The following MYH14 variants were observed in gnomAD, a reference collection of about 807,000 sequenced individuals.
MYH14 encodes myosin heavy chain 14.
MYH14 carries 123 observed loss-of-function variants against 255.5 expected under a neutral mutation model. That is an observed-to-expected ratio of 0.48 (90% CI 0.42 to 0.56). The LOEUF (loss-of-function observed/expected upper bound fraction) is 0.56. Ranked by LOEUF, MYH14 falls within the 20% of genes least tolerant of loss-of-function variation. MYH14 has a pLI of 0.00. For missense variants in MYH14, 2,423 were observed against 2,802.3 expected, an observed-to-expected ratio of 0.86 and a Z score of 3.06; for synonymous variants, 1,095 against 1,161.2, an observed-to-expected ratio of 0.94 and a Z score of 1.16.
At chr19:50,205,220 C>A (rs1422874654) in intron 1 of MYH14, among the ~76,000 whole-genome samples, 1 of 152,198 alleles carries the variant, frequency 6.6e-6, no homozygotes, top group Non-Finnish European at 1.5e-5. Context: ...GAAGCTCCAG[C>A]GGGGTTTGAA....
chr19:50,231,944 G>A lies in MYH14; in HGVS notation c.988G>A (p.Glu330Lys), dbSNP rs367826402. 1.1e-5 allele frequency: 17 copies of A among 1,613,880 alleles called. No homozygotes were observed. The South Asian group carries it at 1.3e-4, about 13-fold the overall frequency. The change falls in exon 10 of 43, where the codon GAG (glutamate) becomes AAG (lysine). Residue 330 changes from glutamate to lysine, a missense_variant. Coordinates refer to ENST00000642316, the MANE Select transcript of MYH14 (RefSeq NM_001145809.2). Reference protein sequence around the residue: ...GEQLKADLLLEPCSHYRFLTN... With the variant: ...GEQLKADLLLKPCSHYRFLTN... Reference sequence around the variant, plus strand: ...TGTCCCTGCAGCCGACCTCCTCCTCGAGCCCTGCTCCCACTACCGGTTCCT... The same window carrying A: ...TGTCCCTGCAGCCGACCTCCTCCTCAAGCCCTGCTCCCACTACCGGTTCCT...
At chr19:50,254,003 A>AG (rs1277234245) in intron 16 of MYH14, among the ~76,000 whole-genome samples, 1 of 152,196 alleles carries the variant, frequency 6.6e-6, no homozygotes, top group Non-Finnish European at 1.5e-5. Context: ...GGGTCACCTG[A>AG]GGTCGGGAGT....
intron 11 of MYH14, among the ~76,000 whole-genome samples, chr19:50,244,704 C>T (rs148745616): frequency 0.015 from 2,287 of 152,030 alleles, 24 homozygotes; most frequent in Non-Finnish European, 0.025. Flanking sequence ...AGGATGGTCT[C>T]GATCTCATGA....
In MYH14 at chr19:50,302,113, TAAAAAA is replaced by T. The variant is rs765650409; in HGVS notation, c.5678+263_5678+268del. Among the ~76,000 whole-genome samples, 3 of 54,626 alleles carry T rather than the reference TAAAAAA, an allele frequency of 5.5e-5. No individual in the cohort carries two copies. In the South Asian group the frequency reaches 2.1e-3, roughly 38 times the overall value. The allele number at this position is 54,626 out of a possible 152,430, so 35.8% of individuals were successfully genotyped here. ...GGGCAACATAGCAAGACCTCATCTC[TAAAAAA>T]AAAAAAAAAAAAAAAAAAGCCAGGT... On this transcript the variant is annotated intron_variant, in intron 40 of 42. Transcript: ENST00000642316.
rs2035578383 is a variant in MYH14, at chr19:50,278,169, A to G, written c.3912A>G (p.Ala1304=). 1 of 1,612,718 alleles carries G rather than the reference A, an allele frequency of 6.2e-7. No homozygotes were observed. Among genetic ancestry groups the G allele is most frequent in the Non-Finnish European group, 8.5e-7 (1 of 1,179,322 alleles). The change falls in exon 30 of 43, where the codon GCA becomes GCG. Residue 1304 remains alanine, a synonymous_variant. Coordinates refer to ENST00000642316, the MANE Select transcript of MYH14 (RefSeq NM_001145809.2). ...LRAELSSLQT[A]RQEGEQRRRR... ...CAGAACTGAGCAGCCTGCAGACTGC[A>G]CGTCAGGAGGGTGAGCAGCGGAGGC...
At chr19:50,271,032 C>G (rs1386803025) in intron 24 of MYH14, among the ~76,000 whole-genome samples, 2 of 152,070 alleles carry the variant, frequency 1.3e-5, no homozygotes, top group Non-Finnish European at 2.9e-5. Context: ...GTACCCCTAA[C>G]CCCCACACAA....
intron 9 of MYH14, among the ~76,000 whole-genome samples, chr19:50,231,392 A>G (rs1489042211): frequency 1.3e-5 from 2 of 152,242 alleles, no homozygotes; most frequent in African/African-American, 2.4e-5. Flanking sequence ...TAGAGACTCA[A>G]AAGTCCCTGC....
At chr19:50,274,878 C>T (rs565536421) in intron 27 of MYH14, among the ~76,000 whole-genome samples, 1 of 150,476 alleles carries the variant, frequency 6.6e-6, no homozygotes, top group Non-Finnish European at 1.5e-5. Flanking sequence ...CTGCAGTGAG[C>T]TATGATTGTG....
chr19:50,296,117 A>C (rs2036257679), intron 39 of MYH14, among the ~76,000 whole-genome samples: 1 of 151,812 alleles, frequency 6.6e-6, no homozygotes, highest in South Asian at 2.1e-4. Flanking sequence ...TCAAAAAAAA[A>C]AAAAAAGTTT....
chr19:50,286,416 C>A, intron 33 of MYH14, 66 bp from the exon 34 acceptor site: 2 of 1,446,974 alleles, frequency 1.4e-6, no homozygotes, highest in Non-Finnish European at 1.9e-6. Context: ...CTCCCTCTTC[C>A]CGTTCCCTTG....
Position 50,248,925 on chromosome 19 carries a change from C to G in MYH14, c.1330-62C>G, listed in dbSNP as rs570080618. ...GCTGGGGGCCCTTCCCCGGTTCACCCCCGACGTCTTTCAGTCTGCTGATGT... is the reference window on the plus strand; with the variant it reads ...GCTGGGGGCCCTTCCCCGGTTCACCGCCGACGTCTTTCAGTCTGCTGATGT... On this transcript the variant is annotated intron_variant, in intron 12 of 42. Transcript: ENST00000642316. 17 of 1,591,156 alleles carry G rather than the reference C, an allele frequency of 1.1e-5. No homozygotes were observed. The African/African-American group carries it at 1.7e-4, about 16-fold the overall frequency.
At chr19:50,210,807 G>A (rs2032154750) in intron 2 of MYH14, 37 bp downstream of exon 2, 2 of 1,528,338 alleles carry the variant, frequency 1.3e-6, no homozygotes. Context: ...GTGCGGCGGA[G>A]TTGCTGCCGG....
At chr19:50,265,773 A>T (rs1171022831) in intron 22 of MYH14, among the ~76,000 whole-genome samples, 1 of 152,164 alleles carries the variant, frequency 6.6e-6, no homozygotes, top group African/African-American at 2.4e-5. Flanking sequence ...GTGAGCCAAG[A>T]TCGCACCACT....
intron 1 of MYH14, among the ~76,000 whole-genome samples, chr19:50,207,576 G>A (rs116245600): frequency 8.1e-4 from 123 of 152,204 alleles, no homozygotes; most frequent in African/African-American, 2.6e-3. Context: ...CACTCGGGGC[G>A]GAGTCTCGTA....
In MYH14 at chr19:50,266,766, C is replaced by A; in HGVS notation, c.2695-111C>A. Reference sequence around the variant, plus strand: ...GGACTGTTGCCAAGGCGGGGACACACAGCTAATAGGTGGAGGAGAAGGGAT... The same window carrying A: ...GGACTGTTGCCAAGGCGGGGACACAAAGCTAATAGGTGGAGGAGAAGGGAT... On this transcript the variant is annotated intron_variant, in intron 22 of 42. Transcript: ENST00000642316. The surrounding 1 kb of genome is among the most constrained non-coding windows in gnomAD (Gnocchi z 4.1). 3 of 1,425,606 alleles carry A rather than the reference C, an allele frequency of 2.1e-6. No individual in the cohort carries two copies. Among genetic ancestry groups the A allele is most frequent in the Non-Finnish European group, 2.9e-6 (3 of 1,043,526 alleles). The allele number at this position is 1,425,606 out of a possible 1,614,324, so 88.3% of individuals were successfully genotyped here.
At chr19:50,236,993 G>T (rs1182970348) in intron 10 of MYH14, among the ~76,000 whole-genome samples, 1 of 152,018 alleles carries the variant, frequency 6.6e-6, no homozygotes, top group African/African-American at 2.4e-5. Flanking sequence ...TTCTGCTTTC[G>T]GTCTCTATGG....
chr19:50,260,746 T>TGC (rs1451604435), intron 20 of MYH14, 31 bp downstream of exon 20: 5 of 1,396,850 alleles, frequency 3.6e-6, no homozygotes, highest in Non-Finnish European at 4.9e-6. Flanking sequence ...AATGCGTGTG[T>TGC]GCGTGTGTGT....
At position 50,264,055 on chromosome 19, in the gene MYH14, C is replaced by CAAAAA. The variant is rs34015428; in HGVS notation, c.2694+652_2694+656dup. On this transcript the variant is annotated intron_variant, in intron 22 of 42. Transcript: ENST00000642316. Reference sequence around the variant, plus strand: ...TGGGCAATACAGCAAAACTCTGTCTCAAAAAAAAAAAAAAAAAAAAAGAGC... The same window carrying CAAAAA: ...TGGGCAATACAGCAAAACTCTGTCTCAAAAAAAAAAAAAAAAAAAAAAAAAAGAGC... Among the ~76,000 whole-genome samples, 75 of 33,388 alleles carry CAAAAA rather than the reference C, an allele frequency of 2.2e-3. 2 individuals are homozygous for CAAAAA. The highest frequency in any genetic ancestry group is 0.011 in the East Asian group (11 of 992). 21.9% of individuals were successfully genotyped at this position (33,388 alleles called of 152,430 possible).
At position 50,252,089 on chromosome 19, in the gene MYH14, T is replaced by A. The variant is rs1349936538; in HGVS notation, c.1831-550T>A. Among the ~76,000 whole-genome samples, 1 of 152,070 alleles carries A rather than the reference T, an allele frequency of 6.6e-6. No individual in the cohort carries two copies. The highest frequency in any genetic ancestry group is 1.9e-4 in the East Asian group (1 of 5,186). On this transcript the variant is annotated intron_variant, in intron 15 of 42. Coordinates refer to ENST00000642316, the MANE Select transcript of MYH14 (RefSeq NM_001145809.2). The surrounding 1 kb of genome is among the most constrained non-coding windows in gnomAD (Gnocchi z 4.2). ...GTTCTGTGTCTAGCCCTCAGTTTCTTCCCCAGACATACTCCAGAACTCCCC... is the reference window on the plus strand; with the variant it reads ...GTTCTGTGTCTAGCCCTCAGTTTCTACCCCAGACATACTCCAGAACTCCCC...
Sources: gnomAD v4.1 joint callset for allele counts (sites outside exome capture counted in the v4.1 genomes callset) on GRCh38, gnomAD v4.1.1 for gene constraint, Gnocchi (gnomAD v3.1) non-coding constraint, MANE v1.5 for transcripts, NCBI Gene and HGNC (gene_info 2026-07-23, HGNC 2026-07-21) for gene names.